SOX6: variants seen among roughly 807,000 people sequenced by gnomAD.
SOX6 encodes transcription factor SOX-6.
Under a neutral mutation model 97.8 loss-of-function variants are expected in SOX6, and 11 were observed. That is an observed-to-expected ratio of 0.11 (90% CI 0.07 to 0.19). The LOEUF is 0.19. SOX6 is among the 10% of genes least tolerant of loss of function. The pLI is 1.00. For missense variants in SOX6, 810 were observed against 1,039.5 expected, an observed-to-expected ratio of 0.78 and a Z score of 3.04; for synonymous variants, 360 against 371.4, an observed-to-expected ratio of 0.97 and a Z score of 0.35.
intron 15 of SOX6, among the ~76,000 whole-genome samples, chr11:15,982,664 T>G (rs1347833656): frequency 6.6e-6 from 1 of 151,640 alleles, no homozygotes; most frequent in Non-Finnish European, 1.5e-5. Flanking sequence ...GTTTAGGAAA[T>G]AAACGCAAGA....
rs1853214184 is a variant in SOX6 at position 15,968,811 on chromosome 11, C to A, written c.*3998G>T. 1 of 152,226 alleles carries A rather than the reference C, an allele frequency of 6.6e-6. No individual in the cohort carries two copies. Among genetic ancestry groups the A allele is most frequent in the Non-Finnish European group, 1.5e-5 (1 of 68,080 alleles). 9.4% of individuals were successfully genotyped at this position (152,226 alleles called of 1,614,324 possible). ...GTGTCAGGACCCTGGCAAATCAAAT[C>A]AGGCCTGAGGACAAGGCTGGAGAGT... On this transcript the variant is annotated 3_prime_UTR_variant, in exon 16 of 16. Transcript: ENST00000683767.
chr11:16,089,484 T>A (rs1848639634), intron 9 of SOX6, among the ~76,000 whole-genome samples: 1 of 152,160 alleles, frequency 6.6e-6, no homozygotes, highest in Non-Finnish European at 1.5e-5. Context: ...CCTTTATTAA[T>A]GCCATTTAAG....
chr11:16,390,408 T>C (rs1163374768), intron 1 of SOX6, among the ~76,000 whole-genome samples: 1 of 152,182 alleles, frequency 6.6e-6, no homozygotes, highest in Non-Finnish European at 1.5e-5. Context: ...CTTCAGATAG[T>C]TGTGTTTTGT....
At chr11:16,412,513 C>G (rs1430830077) in intron 1 of SOX6, among the ~76,000 whole-genome samples, 1 of 152,078 alleles carries the variant, frequency 6.6e-6, no homozygotes, top group East Asian at 1.9e-4. Flanking sequence ...TGGCAGGCAC[C>G]TGCAGTCCCA....
At chr11:16,331,753 C>A (rs1279325594) in intron 2 of SOX6, among the ~76,000 whole-genome samples, 1 of 152,074 alleles carries the variant, frequency 6.6e-6, no homozygotes, top group Non-Finnish European at 1.5e-5. Flanking sequence ...AAAAGGGAAA[C>A]GGGGCACAAA....
In SOX6 at chr11:16,496,402, G is replaced by C. The variant is rs151027368; in HGVS notation, n.610-20014C>G. Among the ~76,000 whole-genome samples the C allele has an allele frequency of 8.7e-3, 1,322 of 152,172 alleles. 21 individuals are homozygous for C. Among genetic ancestry groups the C allele is most frequent in the African/African-American group, 0.029 (1,207 of 41,522 alleles). On this transcript the variant is annotated intron_variant and non_coding_transcript_variant, in intron 4 of 5. Transcript: ENST00000524520. ...AGCTCCCAGCGTGAGAAACGCAGAA[G>C]ATGGGTGATTTCTGCATTTCCAACT...
rs1010885893 is a variant in SOX6 at position 15,966,910 on chromosome 11, GA to G, written c.*5898del. On this transcript the variant is annotated 3_prime_UTR_variant, in exon 16 of 16. Transcript: ENST00000683767. Reference sequence around the variant, plus strand: ...TGATTCATTCCTGTAAATTTGAAGAGATTTTTTTTATTTTTCCCATTTCTTT... The same window carrying G: ...TGATTCATTCCTGTAAATTTGAAGAGTTTTTTTTATTTTTCCCATTTCTTT... The G allele has an allele frequency of 1.2e-4, 19 of 152,166 alleles. No homozygotes were observed. The highest frequency in any genetic ancestry group is 3.4e-3 in the Middle Eastern group (1 of 294). The allele number at this position is 152,166 out of a possible 1,614,324, so 9.4% of individuals were successfully genotyped here.
intron 3 of SOX6, among the ~76,000 whole-genome samples, chr11:16,639,136 T>C (rs1240816398): frequency 1.3e-5 from 2 of 152,242 alleles, no homozygotes; most frequent in Admixed American, 6.5e-5. Context: ...TACATATGGC[T>C]AGCCAGTTTT....
chr11:16,120,242 C>CCTCTCT (rs951133890), intron 6 of SOX6, among the ~76,000 whole-genome samples: 2 of 142,008 alleles, frequency 1.4e-5, no homozygotes, highest in African/African-American at 5.2e-5. Flanking sequence ...CTCACTCACT[C>CCTCTCT]CTCTCTCTCT....
At chr11:16,326,681 TG>T (rs1856103705) in intron 2 of SOX6, among the ~76,000 whole-genome samples, 1 of 152,196 alleles carries the variant, frequency 6.6e-6, no homozygotes, top group African/African-American at 2.4e-5. Flanking sequence ...AGAAGTAACT[TG>T]TATTACTTAT....
intron 12 of SOX6, among the ~76,000 whole-genome samples, chr11:16,020,898 C>T (rs141232023): frequency 6.6e-6 from 1 of 152,214 alleles, no homozygotes; most frequent in Non-Finnish European, 1.5e-5. Flanking sequence ...TAAATACTTG[C>T]AGGTTTATAT....
intron 4 of SOX6, among the ~76,000 whole-genome samples, chr11:16,515,224 T>A (rs1860950408): frequency 6.6e-6 from 1 of 152,202 alleles, no homozygotes; most frequent in South Asian, 2.1e-4. Context: ...TCCTGACTTT[T>A]TAATGATCGC....
At chr11:16,088,750 G>A (rs1374813691) in intron 9 of SOX6, among the ~76,000 whole-genome samples, 1 of 152,110 alleles carries the variant, frequency 6.6e-6, no homozygotes, top group African/African-American at 2.4e-5. Flanking sequence ...ATTTAAATGA[G>A]TAGATAAATT....
intron 3 of SOX6, among the ~76,000 whole-genome samples, chr11:16,303,039 C>A (rs777363313): frequency 3.3e-5 from 5 of 152,100 alleles, no homozygotes; most frequent in African/African-American, 4.8e-5. Flanking sequence ...CTCTCCAACC[C>A]AGGCCCACTA....
chr11:16,010,842 TA>T (rs892816228), intron 13 of SOX6, among the ~76,000 whole-genome samples: 4 of 150,804 alleles, frequency 2.7e-5, no homozygotes, highest in East Asian at 1.9e-4. Flanking sequence ...TTTACTTCTC[TA>T]AAAAAAAACC....
intron 1 of SOX6, among the ~76,000 whole-genome samples, chr11:16,421,908 C>A (rs1319913619): frequency 5.9e-5 from 9 of 152,170 alleles, no homozygotes; most frequent in African/African-American, 2.2e-4. Context: ...TTCATTAAAA[C>A]AGAACCATTT....
At position 16,026,186 on chromosome 11, in the gene SOX6, T is replaced by C. The variant is rs578206428; in HGVS notation, c.1624-11136A>G. 1.4e-3 allele frequency among the ~76,000 whole-genome samples: 209 copies of C among 152,320 alleles called. 2 individuals are homozygous for C. The highest frequency in any genetic ancestry group is 0.012 in the Admixed American group (191 of 15,284). ...CCAGCTCTGAAATCTTATGATTCTATGATATTTGACTTTCTTTCTCTCTAA... is the reference window on the plus strand; with the variant it reads ...CCAGCTCTGAAATCTTATGATTCTACGATATTTGACTTTCTTTCTCTCTAA... On this transcript the variant is annotated intron_variant, in intron 12 of 15. Coordinates refer to ENST00000683767, the MANE Select transcript of SOX6 (RefSeq NM_001367873.1).
chr11:16,413,621 A>G (rs1590193975), intron 1 of SOX6, among the ~76,000 whole-genome samples: 1 of 149,192 alleles, frequency 6.7e-6, no homozygotes, highest in Admixed American at 6.7e-5. Flanking sequence ...CCTGGGTTCA[A>G]GCGATTCTCC....
upstream of SOX6, among the ~76,000 whole-genome samples, chr11:16,357,108 T>C (rs1289474947): frequency 6.6e-6 from 1 of 152,170 alleles, no homozygotes; most frequent in African/African-American, 2.4e-5. Flanking sequence ...TGGAGAACTA[T>C]GTCTCTATTT....
Sources: allele counts gnomAD v4.1 joint callset (sites outside exome capture counted in the v4.1 genomes callset), GRCh38; gene constraint gnomAD v4.1.1; transcripts MANE v1.5; gene names NCBI Gene and HGNC (gene_info 2026-07-23, HGNC 2026-07-21).